STK39: variants seen among roughly 807,000 people sequenced by gnomAD.
The protein encoded by STK39 is serine/threonine kinase 39, also known as STE20/SPS1-related proline-alanine-rich protein kinase.
In STK39, 20 loss-of-function variants were observed where a neutral mutation model predicts 77.8. The observed-to-expected ratio is 0.26, with a 90% CI of 0.18 to 0.37. STK39 has a LOEUF of 0.37. Ranked by LOEUF, STK39 falls within the 10% of genes least tolerant of loss-of-function variation. STK39 has a pLI of 1.00. For missense variants in STK39, 479 were observed against 656.5 expected (o/e 0.73, Z 2.95); for synonymous variants, 246 against 234.1 (o/e 1.05, Z -0.47).
In STK39 at chr2:168,076,515, G is replaced by C. The variant is rs558630659; in HGVS notation, c.1090-1284C>G. On this transcript the variant is annotated intron_variant, in intron 10 of 17. Coordinates refer to ENST00000355999, the MANE Select transcript of STK39 (RefSeq NM_013233.3). ...AGTATACATGTCAGATCAATGCGAA[G>C]TCATAAAAAATGCATGCTAGGGGTT... Among the ~76,000 whole-genome samples the C allele has an allele frequency of 1.1e-3, 168 of 152,252 alleles. 1 individual carries two copies. Among genetic ancestry groups the C allele is most frequent in the African/African-American group, 3.9e-3 (162 of 41,566 alleles).
At position 168,058,167 on chromosome 2, in the gene STK39, C is replaced by T. The variant is rs946311622; in HGVS notation, c.1376+5333G>A. Among the ~76,000 whole-genome samples, 34 of 152,172 alleles carry T rather than the reference C, an allele frequency of 2.2e-4. 1 individual carries two copies. The highest frequency in any genetic ancestry group is 1.5e-5 in the Non-Finnish European group (1 of 68,046). On this transcript the variant is annotated intron_variant, in intron 14 of 17. Transcript: ENST00000355999. ...GTTCTCTCTTGCCAATCTCTTGAAC[C>T]CAGTTGGACCAGGCTTTTGTCCCCA...
chr2:168,017,922 T>G (rs776264884), intron 14 of STK39, among the ~76,000 whole-genome samples: 9 of 152,244 alleles, frequency 5.9e-5, no homozygotes, highest in Non-Finnish European at 1.0e-4. Flanking sequence ...TGGGCAATTT[T>G]GCAACATTTT....
Position 167,955,244 on chromosome 2 carries a change from C to A in STK39, c.*252G>T. On this transcript the variant is annotated 3_prime_UTR_variant, in exon 18 of 18. Transcript: ENST00000355999. ...AGCTTTTGGAAAAATGAGCAACAGTCGTGCAGCTGTGGCATTTGCTTGTTC... is the reference window on the plus strand; with the variant it reads ...AGCTTTTGGAAAAATGAGCAACAGTAGTGCAGCTGTGGCATTTGCTTGTTC... The A allele has an allele frequency of 3.1e-6, 1 of 318,432 alleles. No individual in the cohort carries two copies. Among genetic ancestry groups the A allele is most frequent in the Non-Finnish European group, 5.8e-6 (1 of 171,844 alleles). The allele number at this position is 318,432 out of a possible 1,614,324, so 19.7% of individuals were successfully genotyped here.
At chr2:168,237,626 C>T (rs779027150) in intron 1 of STK39, among the ~76,000 whole-genome samples, 1 of 152,084 alleles carries the variant, frequency 6.6e-6, no homozygotes, top group Non-Finnish European at 1.5e-5. Context: ...CCCATCAATA[C>T]CTAATTTATT....
In STK39 at chr2:168,112,118, G is replaced by GA. The variant is rs112516694; in HGVS notation, c.1089+17422dup. On this transcript the variant is annotated intron_variant, in intron 10 of 17. Transcript: ENST00000355999. ...AGTTTCAGCTTAAGCAACATTTAAA[G>GA]AAAAAAAAAAAAACACTGAACCAGG... Among the ~76,000 whole-genome samples, 1,298 of 133,136 alleles carry GA rather than the reference G, an allele frequency of 9.7e-3. 11 individuals are homozygous for GA. Among genetic ancestry groups the GA allele is most frequent in the African/African-American group, 0.026 (951 of 36,238 alleles). The allele number at this position is 133,136 out of a possible 152,430, so 87.3% of individuals were successfully genotyped here.
chr2:168,191,548 A>C (rs1258941807), intron 1 of STK39, among the ~76,000 whole-genome samples: 1 of 152,190 alleles, frequency 6.6e-6, no homozygotes, highest in East Asian at 1.9e-4. Context: ...CTGTTTAAAA[A>C]GCAGATTCTT....
intron 10 of STK39, among the ~76,000 whole-genome samples, chr2:168,108,497 A>C (rs534403272): frequency 6.6e-6 from 1 of 152,172 alleles, no homozygotes; most frequent in Admixed American, 6.5e-5. Context: ...GCAGTGAGCC[A>C]TGACTGCACC....
chr2:168,020,585 C>A (rs968869477), intron 14 of STK39, among the ~76,000 whole-genome samples: 1 of 151,248 alleles, frequency 6.6e-6, no homozygotes, highest in African/African-American at 2.4e-5. Context: ...TATACACATA[C>A]ATACATATGC....
chr2:168,204,801 C>T (rs1161831019), intron 1 of STK39, among the ~76,000 whole-genome samples: 3 of 152,200 alleles, frequency 2.0e-5, no homozygotes, highest in Non-Finnish European at 4.4e-5. Context: ...ATAATGCATA[C>T]ATTTAACTCT....
chr2:168,095,434 G>A (rs113892839), intron 10 of STK39, among the ~76,000 whole-genome samples: 2 of 151,950 alleles, frequency 1.3e-5, no homozygotes, highest in African/African-American at 4.8e-5. Flanking sequence ...CCTCCAAAGA[G>A]GTCTAAAGAA....
chr2:168,235,062 G>A (rs550540630), intron 1 of STK39, among the ~76,000 whole-genome samples: 8 of 144,454 alleles, frequency 5.5e-5, no homozygotes, highest in African/African-American at 2.1e-4. Flanking sequence ...TTTTGAAACA[G>A]AGTCTCACTC....
rs535574617 is a variant in STK39, at chr2:168,016,149, C to G, written c.1429+894G>C. ...CACCATGTTGGCCAGGCTGATCTCA[C>G]ACTCCTAGCCTCAAGTGATCCACCC... On this transcript the variant is annotated intron_variant, in intron 15 of 17. Transcript: ENST00000355999. Among the ~76,000 whole-genome samples the G allele has an allele frequency of 2.0e-5, 3 of 152,110 alleles. No homozygotes were observed. In the South Asian group the frequency reaches 6.2e-4, roughly 32 times the overall value.
At chr2:168,216,571 G>A (rs952196570) in intron 1 of STK39, among the ~76,000 whole-genome samples, 23 of 152,214 alleles carry the variant, frequency 1.5e-4, no homozygotes, top group African/African-American at 5.5e-4. Context: ...TCCAGGAGAA[G>A]GGGCTAAATG....
intron 10 of STK39, among the ~76,000 whole-genome samples, chr2:168,087,796 C>T (rs1215575012): frequency 6.6e-6 from 1 of 152,072 alleles, no homozygotes; most frequent in African/African-American, 2.4e-5. Flanking sequence ...AAGAGCAATA[C>T]CCCCCATAAC....
At chr2:167,978,390 G>A (rs75857501) in intron 16 of STK39, among the ~76,000 whole-genome samples, 5,575 of 152,170 alleles carry the variant, frequency 0.037, 353 homozygotes, top group African/African-American at 0.13. Flanking sequence ...CCAGGAATAA[G>A]CAAGGACAGC....
chr2:168,211,764 T>C (rs1462917381), intron 1 of STK39, among the ~76,000 whole-genome samples: 1 of 152,224 alleles, frequency 6.6e-6, no homozygotes, highest in Non-Finnish European at 1.5e-5. Context: ...AATCTGTCAG[T>C]GTAGCTGTGT....
chr2:168,182,646 A>G (rs1689108820), intron 1 of STK39, among the ~76,000 whole-genome samples: 1 of 152,224 alleles, frequency 6.6e-6, no homozygotes. Context: ...AGCTCTTGAC[A>G]TTCATATAAA....
chr2:168,117,587 G>A (rs1687290985), intron 10 of STK39, among the ~76,000 whole-genome samples: 1 of 152,130 alleles, frequency 6.6e-6, no homozygotes. Flanking sequence ...TGAACCTCCT[G>A]GGGTGCTGGG....
At chr2:168,188,548 T>C (rs570459355) in intron 1 of STK39, among the ~76,000 whole-genome samples, 22 of 152,330 alleles carry the variant, frequency 1.4e-4, no homozygotes, top group Non-Finnish European at 3.2e-4. Context: ...CTTCCTTACT[T>C]GATGGTCCCA....
Sources: gnomAD v4.1 joint callset for allele counts (sites outside exome capture counted in the v4.1 genomes callset) on GRCh38, gnomAD v4.1.1 for gene constraint, MANE v1.5 for transcripts, NCBI Gene and HGNC (gene_info 2026-07-23, HGNC 2026-07-21) for gene names.